The following LRRC37A2 variants were observed in gnomAD, a reference collection of about 807,000 sequenced individuals.
The protein encoded by LRRC37A2 is leucine rich repeat containing 37 member A2, also known as leucine-rich repeat-containing protein 37A2.
In LRRC37A2, 9 loss-of-function variants were observed where a neutral mutation model predicts 68.8. The ratio of observed to expected loss-of-function variants is 0.13; its 90% CI spans 0.08 to 0.23. The LOEUF is 0.23. Among genes scored for constraint, LRRC37A2 ranks in the 10% least tolerant of loss-of-function variants. LRRC37A2 has a pLI of 1.00. For missense variants in LRRC37A2, 168 were observed against 950.4 expected, an observed-to-expected ratio of 0.18 and a Z score of 10.82; for synonymous variants, 63 against 367.6, an observed-to-expected ratio of 0.17 and a Z score of 9.48.
the LRRC37A2 span, among the ~76,000 whole-genome samples, chr17:46,856,029 A>G: frequency 6.6e-6 from 1 of 152,168 alleles, no homozygotes; most frequent in Non-Finnish European, 1.5e-5. Context: ...CTTTGTAACT[A>G]GAAATAGTTT....
chr17:46,708,616 C>A, the LRRC37A2 span, among the ~76,000 whole-genome samples: 1 of 147,302 alleles, frequency 6.8e-6, no homozygotes, highest in Non-Finnish European at 1.5e-5. Context: ...CTCAGCCTCC[C>A]CAGTAGCTGG....
chr17:47,001,681 A>G, the LRRC37A2 span, among the ~76,000 whole-genome samples: 1 of 149,600 alleles, frequency 6.7e-6, no homozygotes, highest in Non-Finnish European at 1.5e-5. Context: ...ACCCCCAAGC[A>G]ACTACTGATC....
At chr17:47,009,808 T>A in the LRRC37A2 span, among the ~76,000 whole-genome samples, 3 of 152,246 alleles carry the variant, frequency 2.0e-5, no homozygotes, top group Admixed American at 6.5e-5. Context: ...TCCCTTGTAC[T>A]TTCTTTCTGC....
At chr17:46,783,867 C>G in the LRRC37A2 span, among the ~76,000 whole-genome samples, 1 of 152,232 alleles carries the variant, frequency 6.6e-6, no homozygotes, top group Non-Finnish European at 1.5e-5. Context: ...CCCTGAGTGC[C>G]AGACATTATT....
At chr17:46,558,509 C>T (rs1170417772), downstream of LRRC37A2, among the ~76,000 whole-genome samples, 1 of 123,026 alleles carries the variant, frequency 8.1e-6, no homozygotes, top group Non-Finnish European at 1.7e-5. Flanking sequence ...GCCTCAGCCT[C>T]CCGAATAGCT....
the LRRC37A2 span, among the ~76,000 whole-genome samples, chr17:46,836,799 G>A: frequency 6.6e-6 from 1 of 152,160 alleles, no homozygotes; most frequent in Non-Finnish European, 1.5e-5. Context: ...TGACACACAA[G>A]TATGCTGCTT....
the LRRC37A2 span, chr17:46,998,700 C>T: frequency 6.6e-6 from 1 of 152,288 alleles, no homozygotes; most frequent in African/African-American, 2.4e-5. Flanking sequence ...ATCTGCTCAC[C>T]AGGATGCTTC....
At chr17:46,722,010 C>T in the LRRC37A2 span, 39 of 1,608,382 alleles carry the variant, frequency 2.4e-5, no homozygotes, top group Non-Finnish European at 3.1e-5. Flanking sequence ...CCACCACCAA[C>T]TTCAGTTTCC....
At chr17:46,923,743 C>A in the LRRC37A2 span, 1 of 437,662 alleles carries the variant, frequency 2.3e-6, no homozygotes, top group Admixed American at 4.3e-5. Context: ...ACTTGTTAAT[C>A]GTATCTGGTT....
At chr17:46,497,522 AC>A in the LRRC37A2 span, among the ~76,000 whole-genome samples, 1 of 145,812 alleles carries the variant, frequency 6.9e-6, no homozygotes, top group African/African-American at 2.6e-5. Flanking sequence ...TTAGCATTTT[AC>A]CTCTAAATAA....
At chr17:46,899,969 C>T in the LRRC37A2 span, among the ~76,000 whole-genome samples, 1 of 151,274 alleles carries the variant, frequency 6.6e-6, no homozygotes, top group Admixed American at 6.6e-5. Context: ...GTTCAGGGAC[C>T]TTGGACAAGT....
the LRRC37A2 span, among the ~76,000 whole-genome samples, chr17:46,989,107 T>C: frequency 6.6e-6 from 1 of 152,180 alleles, no homozygotes; most frequent in Non-Finnish European, 1.5e-5. Flanking sequence ...TCTGCTAGCA[T>C]AGCCAAGGAC....
At chr17:46,722,244 C>T in the LRRC37A2 span, 24 of 1,186,704 alleles carry the variant, frequency 2.0e-5, no homozygotes, top group African/African-American at 1.5e-4. Flanking sequence ...AAAATCCCTA[C>T]ATTCTTAAGA....
the LRRC37A2 span, among the ~76,000 whole-genome samples, chr17:46,985,043 T>C: frequency 6.6e-6 from 1 of 152,270 alleles, no homozygotes; most frequent in African/African-American, 2.4e-5. Context: ...GGTAGCCTGC[T>C]GCCTGTTTGC....
chr17:46,996,891 C>T, the LRRC37A2 span, among the ~76,000 whole-genome samples: 1 of 152,276 alleles, frequency 6.6e-6, no homozygotes, highest in East Asian at 1.9e-4. Context: ...TTCCTTCAGC[C>T]CCTCTGACCT....
the LRRC37A2 span, chr17:46,755,976 CCCTT>C: frequency 3.9e-5 from 27 of 692,064 alleles, no homozygotes; most frequent in African/African-American, 1.3e-4. Flanking sequence ...CAATAAAACT[CCCTT>C]CCTTATGCAT....
the LRRC37A2 span, among the ~76,000 whole-genome samples, chr17:47,047,577 G>T: frequency 5.1e-4 from 78 of 151,746 alleles, no homozygotes; most frequent in African/African-American, 1.8e-3. Flanking sequence ...TTTGCCCACA[G>T]TGATAATTTC....
chr17:46,823,682 C>T, the LRRC37A2 span, among the ~76,000 whole-genome samples: 1 of 152,170 alleles, frequency 6.6e-6, no homozygotes, highest in Non-Finnish European at 1.5e-5. Flanking sequence ...TCAAATGACC[C>T]ACCCATCTTG....
the LRRC37A2 span, among the ~76,000 whole-genome samples, chr17:46,716,851 T>G: frequency 6.6e-6 from 1 of 152,220 alleles, no homozygotes; most frequent in African/African-American, 2.4e-5. Context: ...CATTGAAACA[T>G]ACTGATGTAA....
Sources: gnomAD v4.1 joint callset for allele counts (sites outside exome capture counted in the v4.1 genomes callset) on GRCh38, gnomAD v4.1.1 for gene constraint, MANE v1.5 for transcripts, NCBI Gene and HGNC (gene_info 2026-07-23, HGNC 2026-07-21) for gene names.